ZFPM2: variants seen among roughly 807,000 people sequenced by gnomAD.
ZFPM2 encodes zinc finger protein ZFPM2.
Under a neutral mutation model 98.6 loss-of-function variants are expected in ZFPM2, and 20 were observed. That is an observed-to-expected ratio of 0.20 (90% CI 0.14 to 0.29). The LOEUF is 0.29. ZFPM2 is among the 10% of genes least tolerant of loss of function. The probability of loss-of-function intolerance (pLI) is 1.00; values close to 1 mark genes in which losing one functional copy is unlikely to be tolerated. For missense variants in ZFPM2, 1,310 were observed against 1,388.6 expected (o/e 0.94, Z 0.90); for synonymous variants, 518 against 502.7 (o/e 1.03, Z -0.41).
intron 4 of ZFPM2, among the ~76,000 whole-genome samples, chr8:105,587,108 C>A (rs1482984174): frequency 1.3e-5 from 2 of 151,204 alleles, no homozygotes; most frequent in African/African-American, 2.4e-5. Flanking sequence ...AACCCCGTCT[C>A]TACTAAAAAA....
Position 105,798,921 on chromosome 8 carries a change from C to T in ZFPM2, c.937C>T (p.Leu313=), listed in dbSNP as rs757582640. Residue 313 remains leucine, a synonymous_variant, in exon 7 of 8, where the codon CTA becomes TTA. Transcript: ENST00000407775. ...CTKSFSNARA[L]EMHLNSHSGV... The stretch of plus-strand genomic sequence containing the variant: ...CAAGAGCTTTTCAAATGCTCGAGCT[C>T]TAGAAATGCACCTGAATTCACACAG... The T allele has an allele frequency of 6.2e-7, 1 of 1,613,902 alleles. No individual in the cohort carries two copies. The highest frequency in any genetic ancestry group is 1.1e-5 in the South Asian group (1 of 91,078).
intron 5 of ZFPM2, among the ~76,000 whole-genome samples, chr8:105,655,969 T>A (rs540092221): frequency 6.6e-6 from 1 of 152,208 alleles, no homozygotes; most frequent in African/African-American, 2.4e-5. Context: ...CTTGCATTAA[T>A]TTATTCCTTC....
At chr8:105,322,027 A>G (rs1479681365) in intron 1 of ZFPM2, among the ~76,000 whole-genome samples, 1 of 151,786 alleles carries the variant, frequency 6.6e-6, no homozygotes, top group African/African-American at 2.4e-5. Context: ...CCAAGACTAT[A>G]TTTTCTGCCC....
At chr8:105,394,050 T>C (rs1426700053) in intron 1 of ZFPM2, among the ~76,000 whole-genome samples, 12 of 151,962 alleles carry the variant, frequency 7.9e-5, no homozygotes, top group Non-Finnish European at 1.5e-4. Flanking sequence ...CCTGCCACCA[T>C]GCCCGGCTAA....
intron 1 of ZFPM2, among the ~76,000 whole-genome samples, chr8:105,393,992 C>T (rs1273051796): frequency 6.7e-6 from 1 of 149,398 alleles, no homozygotes; most frequent in African/African-American, 2.5e-5. Context: ...TTCCTGGGTT[C>T]ACGCCATTCT....
chr8:105,646,913 G>A (rs139499621), intron 5 of ZFPM2, among the ~76,000 whole-genome samples: 75 of 152,208 alleles, frequency 4.9e-4, no homozygotes, highest in African/African-American at 1.7e-3. Flanking sequence ...GGCTCTATAC[G>A]CCAGTTTTCC....
chr8:105,709,818 AT>A (rs780148868), intron 5 of ZFPM2, among the ~76,000 whole-genome samples: 20 of 152,112 alleles, frequency 1.3e-4, no homozygotes, highest in Admixed American at 6.6e-5. Context: ...TCAGGGTGAA[AT>A]GTGAAACTCT....
chr8:105,420,486 A>G (rs1811770779), intron 2 of ZFPM2, among the ~76,000 whole-genome samples: 1 of 152,154 alleles, frequency 6.6e-6, no homozygotes, highest in Non-Finnish European at 1.5e-5. Flanking sequence ...ACCTGGACAC[A>G]CTGAAATTCA....
rs746803494 is a variant in ZFPM2 at position 105,788,800 on chromosome 8, G to T, written c.615G>T (p.Arg205Ser). Residue 205 changes from arginine (R) to serine (S), a missense_variant, in exon 6 of 8, where the codon AGG becomes AGT. Coordinates refer to ENST00000407775, the MANE Select transcript of ZFPM2 (RefSeq NM_012082.4). ...LIAFVVDFDS[R>S]LQAASQMTLT... is the part of the protein sequence containing the mutation. ...CCTTTGTGGTGGATTTTGACTCAAG[G>T]CTACAAGCTGCCAGTCAGATGACTC... 1 of 1,613,980 alleles carries T rather than the reference G, an allele frequency of 6.2e-7. No homozygotes were observed. The highest frequency in any genetic ancestry group is 1.1e-5 in the South Asian group (1 of 91,088).
chr8:105,337,134 G>A, intron 1 of ZFPM2, among the ~76,000 whole-genome samples: 1 of 151,652 alleles, frequency 6.6e-6, no homozygotes, highest in East Asian at 1.9e-4. Flanking sequence ...AATCCAGCTG[G>A]TTTGCTATTT....
intron 5 of ZFPM2, among the ~76,000 whole-genome samples, chr8:105,635,616 C>G (rs879412254): frequency 4.6e-5 from 7 of 152,032 alleles, no homozygotes; most frequent in Non-Finnish European, 1.0e-4. Context: ...CAGGATATGC[C>G]AATATAATCT....
At chr8:105,675,083 G>A (rs982991259) in intron 5 of ZFPM2, among the ~76,000 whole-genome samples, 33 of 152,038 alleles carry the variant, frequency 2.2e-4, no homozygotes, top group Admixed American at 5.9e-4. Context: ...GGGGTAAAGC[G>A]GACTGGGAGT....
chr8:105,638,015 A>G (rs1297348284), intron 5 of ZFPM2, among the ~76,000 whole-genome samples: 1 of 151,962 alleles, frequency 6.6e-6, no homozygotes, highest in Non-Finnish European at 1.5e-5. Context: ...CTGAGAGTCC[A>G]GGGATATTCT....
intron 3 of ZFPM2, among the ~76,000 whole-genome samples, chr8:105,496,316 T>C (rs1234030494): frequency 6.6e-6 from 1 of 152,072 alleles, no homozygotes. Flanking sequence ...CCAGCCAGCA[T>C]TGGTGGTTCA....
intron 5 of ZFPM2, among the ~76,000 whole-genome samples, chr8:105,692,719 A>T (rs1265340763): frequency 1.3e-5 from 2 of 152,220 alleles, no homozygotes; most frequent in Non-Finnish European, 2.9e-5. Flanking sequence ...TGTTGTAAAC[A>T]AACACATAAA....
At chr8:105,725,416 A>G (rs751175187) in intron 5 of ZFPM2, among the ~76,000 whole-genome samples, 14 of 151,858 alleles carry the variant, frequency 9.2e-5, no homozygotes, top group Non-Finnish European at 1.3e-4. Context: ...TGTAATAAAT[A>G]TTCCTAGGCT....
intron 5 of ZFPM2, chr8:105,690,810 A>G (rs1810862044): frequency 6.6e-6 from 1 of 152,190 alleles, no homozygotes; most frequent in South Asian, 2.1e-4. Context: ...GTTGCCATCT[A>G]CCAATCAGTG....
chr8:105,624,361 A>C (rs906171577), intron 4 of ZFPM2, among the ~76,000 whole-genome samples: 1 of 152,234 alleles, frequency 6.6e-6, no homozygotes, highest in East Asian at 1.9e-4. Context: ...GCTGTATAAA[A>C]TAAAAGGTTG....
At chr8:105,740,596 T>A (rs1812190183) in intron 5 of ZFPM2, among the ~76,000 whole-genome samples, 1 of 148,246 alleles carries the variant, frequency 6.7e-6, no homozygotes, top group South Asian at 2.1e-4. Flanking sequence ...TATTTTAGAG[T>A]CATGGAAAAT....
Sources: allele counts gnomAD v4.1 joint callset (sites outside exome capture counted in the v4.1 genomes callset), GRCh38; gene constraint gnomAD v4.1.1; transcripts MANE v1.5; gene names NCBI Gene and HGNC (gene_info 2026-07-23, HGNC 2026-07-21).